TPD52L2: variants seen among roughly 807,000 people sequenced by gnomAD.
TPD52L2 encodes the protein TPD52 like 2, also known as tumor protein D54.
A neutral mutation model predicts 24.7 loss-of-function variants in TPD52L2; 19 were observed. That is an observed-to-expected ratio of 0.77 (90% CI 0.54 to 1.13). The LOEUF (loss-of-function observed/expected upper bound fraction) is 1.13. Ranked by LOEUF, TPD52L2 falls within the 50% of genes most tolerant of loss-of-function variation. The pLI is 0.00. For synonymous variants in TPD52L2, 104 were observed against 100.2 expected, an observed-to-expected ratio of 1.04 and a Z score of -0.23; for missense variants, 236 against 250.4, an observed-to-expected ratio of 0.94 and a Z score of 0.39.
chr20:63,884,805 C>T (rs887494194), intron 5 of TPD52L2, among the ~76,000 whole-genome samples: 26 of 152,252 alleles, frequency 1.7e-4, no homozygotes, highest in African/African-American at 5.3e-4. Flanking sequence ...GCTGGGGGAG[C>T]GGGGCCTCAG....
intron 1 of TPD52L2, among the ~76,000 whole-genome samples, chr20:63,867,823 A>G (rs1280971507): frequency 6.8e-6 from 1 of 147,378 alleles, no homozygotes; most frequent in East Asian, 2.0e-4. Context: ...CAAAAAAAAG[A>G]GACGGGGTTT....
chr20:63,870,910 G>A (rs752964188), intron 2 of TPD52L2, among the ~76,000 whole-genome samples: 16 of 152,042 alleles, frequency 1.1e-4, no homozygotes, highest in Non-Finnish European at 1.2e-4. Flanking sequence ...TAGAGACAGA[G>A]TTTCACCATG....
intron 5 of TPD52L2, among the ~76,000 whole-genome samples, chr20:63,885,196 G>T (rs575350968): frequency 6.6e-6 from 1 of 152,390 alleles, no homozygotes; most frequent in African/African-American, 2.4e-5. Flanking sequence ...TGATGGGCCT[G>T]TCCCAGGGCA....
chr20:63,870,867 G>A (rs1463178119), intron 2 of TPD52L2, among the ~76,000 whole-genome samples: 1 of 151,456 alleles, frequency 6.6e-6, no homozygotes, highest in Non-Finnish European at 1.5e-5. Flanking sequence ...ACAGGCGCGT[G>A]CCTCCCTGCC....
At chr20:63,885,753 C>T (rs1350758115) in intron 5 of TPD52L2, among the ~76,000 whole-genome samples, 1 of 152,240 alleles carries the variant, frequency 6.6e-6, no homozygotes, top group African/African-American at 2.4e-5. Context: ...GCCTCTTGGG[C>T]ACAGCCGTGA....
At chr20:63,876,636 C>T (rs1218319389) in intron 4 of TPD52L2, 1 of 389,670 alleles carries the variant, frequency 2.6e-6, no homozygotes, top group South Asian at 1.8e-5. Flanking sequence ...ATCGTTGCCA[C>T]AGAACATGGG....
intron 6 of TPD52L2, among the ~76,000 whole-genome samples, chr20:63,889,619 C>A (rs918927174): frequency 1.3e-5 from 2 of 152,178 alleles, no homozygotes; most frequent in Non-Finnish European, 2.9e-5. Flanking sequence ...AAGAATGTCA[C>A]GTAAATGGAA....
rs951354424 is a variant in TPD52L2, at chr20:63,865,279, G to A, written c.-87G>A. 4 of 1,430,568 alleles carry A rather than the reference G, an allele frequency of 2.8e-6. No homozygotes were observed. The highest frequency in any genetic ancestry group is 2.7e-5 in the East Asian group (1 of 37,320). 88.6% of individuals were successfully genotyped at this position (1,430,568 alleles called of 1,614,324 possible). Reference sequence around the variant, plus strand: ...GCCGCGGAGCTGAGGCAGTTCCGCTGGCTAGTGTGTACGCGGCGAGCTTCT... The same window carrying A: ...GCCGCGGAGCTGAGGCAGTTCCGCTAGCTAGTGTGTACGCGGCGAGCTTCT... On this transcript the variant is annotated 5_prime_UTR_variant, in exon 1 of 7. Coordinates refer to ENST00000346249, the MANE Select transcript of TPD52L2 (RefSeq NM_003288.4).
Position 63,885,923 on chromosome 20 carries a change from C to T in TPD52L2, c.476+3103C>T, listed in dbSNP as rs530272381. On this transcript the variant is annotated intron_variant, in intron 5 of 6. Coordinates refer to ENST00000346249, the MANE Select transcript of TPD52L2 (RefSeq NM_003288.4). ...GCCTGACTGAGCACGAGCAGGGGGC[C>T]TCCCCTGGGGCTCCCCGAGGAGGGC... The T allele has an allele frequency of 3.6e-5, 51 of 1,398,824 alleles. No individual in the cohort carries two copies. The East Asian group carries it at 1.1e-3, about 29-fold the overall frequency. The allele number at this position is 1,398,824 out of a possible 1,614,324, so 86.7% of individuals were successfully genotyped here. A position where few individuals can be genotyped will look rare whatever the true frequency, so the allele number is the denominator to read the frequency against.
chr20:63,879,440 C>T (rs961783123), intron 4 of TPD52L2, among the ~76,000 whole-genome samples: 20 of 151,946 alleles, frequency 1.3e-4, no homozygotes, highest in African/African-American at 4.8e-4. Flanking sequence ...CGCTCAGGAC[C>T]CGCATCTCAT....
chr20:63,889,185 T>C lies in TPD52L2; in HGVS notation c.477-5T>C, dbSNP rs745441443. ...ACACCGACACTCTTCCCTCTCTCTT[T>C]AAAGGAACTCTGCGACCTTCAAGTC... On this transcript the variant is annotated splice_polypyrimidine_tract_variant and splice_region_variant and intron_variant, in intron 5 of 6. Transcript: ENST00000346249. 19 of 1,613,336 alleles carry C rather than the reference T, an allele frequency of 1.2e-5. No homozygotes were observed. The highest frequency in any genetic ancestry group is 1.6e-5 in the Non-Finnish European group (19 of 1,179,662).
At chr20:63,865,742 AC>A (rs2052195545) in intron 1 of TPD52L2, among the ~76,000 whole-genome samples, 1 of 138,774 alleles carries the variant, frequency 7.2e-6, no homozygotes. Flanking sequence ...TTGCTCTGCC[AC>A]CCCCCGGTCC....
chr20:63,869,198 CCACT>C, intron 1 of TPD52L2, 94 bp from the exon 2 acceptor site: 1 of 1,405,180 alleles, frequency 7.1e-7, no homozygotes, highest in Non-Finnish European at 1.0e-6. Flanking sequence ...AGGGTCTCAC[CCACT>C]CCCACCTGTG....
Position 63,877,894 on chromosome 20 carries a change from G to A in TPD52L2, c.374+2019G>A, listed in dbSNP as rs1316459394. On this transcript the variant is annotated intron_variant, in intron 4 of 6. Transcript: ENST00000346249. This position sits in a 1 kb window ranked among gnomAD's most constrained non-coding sequence, Gnocchi z 4.1. Reference sequence around the variant, plus strand: ...CGAGGGCGATGGTTTCTGCCGGGACGGCCCAGGCCGAGGGCGATGGTTTCT... The same window carrying A: ...CGAGGGCGATGGTTTCTGCCGGGACAGCCCAGGCCGAGGGCGATGGTTTCT... Among the ~76,000 whole-genome samples the A allele has an allele frequency of 1.3e-5, 2 of 152,184 alleles. No individual in the cohort carries two copies. Among genetic ancestry groups the A allele is most frequent in the Admixed American group, 6.5e-5 (1 of 15,286 alleles).
intron 3 of TPD52L2, among the ~76,000 whole-genome samples, chr20:63,875,024 C>T (rs2052614084): frequency 6.6e-6 from 1 of 151,960 alleles, no homozygotes; most frequent in Non-Finnish European, 1.5e-5. Flanking sequence ...CACCTGTGAT[C>T]TCGGCTACTA....
At chr20:63,887,109 C>T in intron 5 of TPD52L2, 1 of 264,976 alleles carries the variant, frequency 3.8e-6, no homozygotes, top group South Asian at 3.7e-5. Context: ...CCAGAGCAAG[C>T]TCCTCTAGGC....
intron 4 of TPD52L2, among the ~76,000 whole-genome samples, chr20:63,878,755 C>T (rs544233070): frequency 1.2e-4 from 19 of 152,310 alleles, no homozygotes; most frequent in African/African-American, 4.3e-4. Flanking sequence ...GGCAGTGGGA[C>T]GAAACCGCTG....
intron 4 of TPD52L2, among the ~76,000 whole-genome samples, chr20:63,876,209 A>C (rs923328928): frequency 3.3e-5 from 5 of 152,196 alleles, no homozygotes; most frequent in African/African-American, 1.2e-4. Flanking sequence ...AAGCTGGACA[A>C]CACCACTTGG....
intron 2 of TPD52L2, among the ~76,000 whole-genome samples, chr20:63,872,478 A>C (rs536726483): frequency 1.1e-4 from 17 of 151,680 alleles, no homozygotes; most frequent in African/African-American, 3.9e-4. Context: ...CCTGGGTTCA[A>C]ACAGTTTTCC....
Sources: allele counts gnomAD v4.1 joint callset (sites outside exome capture counted in the v4.1 genomes callset), GRCh38; gene constraint gnomAD v4.1.1; non-coding constraint Gnocchi (gnomAD v3.1); transcripts MANE v1.5; gene names NCBI Gene and HGNC (gene_info 2026-07-23, HGNC 2026-07-21).